HMGCLL1: variants seen among roughly 807,000 people sequenced by gnomAD.
The protein encoded by HMGCLL1 is 3-hydroxymethyl-3-methylglutaryl-CoA lyase, cytoplasmic.
In HMGCLL1, 36 loss-of-function variants were observed where a neutral mutation model predicts 39.1. The observed-to-expected ratio is 0.92, with a 90% CI of 0.71 to 1.22. HMGCLL1 has a LOEUF of 1.22. Among genes scored for constraint, HMGCLL1 ranks in the 50% most tolerant of loss-of-function variants. The probability of loss-of-function intolerance (pLI) is 0.00; values close to 1 mark genes in which losing one functional copy is unlikely to be tolerated. For synonymous variants in HMGCLL1, 149 were observed against 144.0 expected, an observed-to-expected ratio of 1.03 and a Z score of -0.25; for missense variants, 451 against 416.5, an observed-to-expected ratio of 1.08 and a Z score of -0.72.
At chr6:55,490,918 C>G (rs981744655) in intron 7 of HMGCLL1, among the ~76,000 whole-genome samples, 1 of 151,754 alleles carries the variant, frequency 6.6e-6, no homozygotes, top group Non-Finnish European at 1.5e-5. Context: ...CTGATATAAA[C>G]AATCCAACCA....
the HMGCLL1 span, among the ~76,000 whole-genome samples, chr6:55,658,407 A>G: frequency 1.3e-5 from 2 of 151,860 alleles, no homozygotes; most frequent in Admixed American, 6.6e-5. Context: ...CTGAAACAAC[A>G]TCCTCCACCC....
At chr6:55,662,381 T>G in the HMGCLL1 span, among the ~76,000 whole-genome samples, 1 of 151,620 alleles carries the variant, frequency 6.6e-6, no homozygotes, top group Non-Finnish European at 1.5e-5. Flanking sequence ...TTACCAAGAG[T>G]TTTTAACAAG....
At chr6:55,543,465 TATATC>T (rs1769735132) in intron 1 of HMGCLL1, among the ~76,000 whole-genome samples, 1 of 9,286 alleles carries the variant, frequency 1.1e-4, no homozygotes, top group African/African-American at 2.0e-4. Flanking sequence ...ATATATCATA[TATATC>T]ATATATAATA....
upstream of HMGCLL1, among the ~76,000 whole-genome samples, chr6:55,581,192 G>A (rs1262506422): frequency 6.6e-6 from 1 of 150,768 alleles, no homozygotes. Context: ...GAACATTTAG[G>A]GAAAAAAAAA....
chr6:55,587,112 T>A, the HMGCLL1 span, among the ~76,000 whole-genome samples: 3,463 of 152,256 alleles, frequency 0.023, 64 homozygotes, highest in Middle Eastern at 0.085. Context: ...GGTATCTCAA[T>A]GTGGTTTCGA....
At chr6:55,474,835 T>G (rs1339555556) in intron 7 of HMGCLL1, among the ~76,000 whole-genome samples, 1 of 151,586 alleles carries the variant, frequency 6.6e-6, no homozygotes, top group East Asian at 1.9e-4. Context: ...GCCAGAGGCT[T>G]CAAATTTCTC....
At chr6:55,587,111 A>C in the HMGCLL1 span, among the ~76,000 whole-genome samples, 15 of 151,886 alleles carry the variant, frequency 9.9e-5, no homozygotes, top group Admixed American at 6.6e-4. Flanking sequence ...TGGTATCTCA[A>C]TGTGGTTTCG....
At chr6:55,636,698 A>AT in the HMGCLL1 span, among the ~76,000 whole-genome samples, 1 of 152,272 alleles carries the variant, frequency 6.6e-6, no homozygotes, top group Non-Finnish European at 1.5e-5. Flanking sequence ...TCCCCCATGC[A>AT]TTTTTCTCAT....
intron 7 of HMGCLL1, among the ~76,000 whole-genome samples, chr6:55,457,887 A>C (rs1293836357): frequency 6.6e-6 from 1 of 152,084 alleles, no homozygotes; most frequent in African/African-American, 2.4e-5. Context: ...AGAATACGAA[A>C]ATTTCCCTCA....
At chr6:55,584,574 G>A in the HMGCLL1 span, among the ~76,000 whole-genome samples, 1 of 152,092 alleles carries the variant, frequency 6.6e-6, no homozygotes, top group African/African-American at 2.4e-5. Flanking sequence ...TTGTGTTTCA[G>A]AGATCAATCA....
the HMGCLL1 span, among the ~76,000 whole-genome samples, chr6:55,661,034 A>G: frequency 1.3e-5 from 2 of 151,776 alleles, no homozygotes; most frequent in Admixed American, 6.6e-5. Flanking sequence ...GGGTCTGTTT[A>G]TATCTTTTGC....
At chr6:55,440,256 G>A (rs1763536764) in intron 7 of HMGCLL1, among the ~76,000 whole-genome samples, 2 of 152,216 alleles carry the variant, frequency 1.3e-5, no homozygotes, top group South Asian at 4.1e-4. Context: ...CAAAATCCAT[G>A]AAGTAGATAC....
chr6:55,617,766 C>T, the HMGCLL1 span, among the ~76,000 whole-genome samples: 2 of 151,986 alleles, frequency 1.3e-5, no homozygotes, highest in Non-Finnish European at 2.9e-5. Context: ...TGCAATTCCC[C>T]TTCTAGAGAG....
intron 7 of HMGCLL1, among the ~76,000 whole-genome samples, chr6:55,473,317 T>A (rs892568162): frequency 4.0e-5 from 6 of 151,578 alleles, no homozygotes; most frequent in African/African-American, 1.4e-4. Context: ...TTCTTTTTTC[T>A]CCACATTTTT....
At chr6:55,622,338 C>T in the HMGCLL1 span, among the ~76,000 whole-genome samples, 1 of 151,992 alleles carries the variant, frequency 6.6e-6, no homozygotes, top group Non-Finnish European at 1.5e-5. Flanking sequence ...GGCATCCTCG[C>T]TGTGTTCCAG....
At chr6:55,511,381 T>A (rs191181726) in intron 5 of HMGCLL1, among the ~76,000 whole-genome samples, 1 of 152,084 alleles carries the variant, frequency 6.6e-6, no homozygotes, top group Admixed American at 6.6e-5. Context: ...TAAAAATGTG[T>A]ACACATGCAT....
At chr6:55,518,287 T>C (rs1342100530) in intron 3 of HMGCLL1, among the ~76,000 whole-genome samples, 1 of 152,108 alleles carries the variant, frequency 6.6e-6, no homozygotes, top group African/African-American at 2.4e-5. Flanking sequence ...AGATCACAGA[T>C]TATAAGAGTT....
At chr6:55,464,920 G>T (rs1764734716) in intron 7 of HMGCLL1, among the ~76,000 whole-genome samples, 1 of 152,048 alleles carries the variant, frequency 6.6e-6, no homozygotes, top group Admixed American at 6.6e-5. Context: ...TCTTTTTGAA[G>T]GTTAAATTTG....
intron 7 of HMGCLL1, among the ~76,000 whole-genome samples, chr6:55,473,374 C>T (rs1208169783): frequency 6.6e-6 from 1 of 151,236 alleles, no homozygotes; most frequent in South Asian, 2.1e-4. Context: ...TTCTTCTGTA[C>T]TTTATCTCCT....
Sources: gnomAD v4.1 joint callset for allele counts (sites outside exome capture counted in the v4.1 genomes callset) on GRCh38, gnomAD v4.1.1 for gene constraint, MANE v1.5 for transcripts, NCBI Gene and HGNC (gene_info 2026-07-23, HGNC 2026-07-21) for gene names.